The following PCDHGA1 variants were observed in gnomAD, a reference collection of about 807,000 sequenced individuals.
PCDHGA1 encodes the protein protocadherin gamma-A1.
Under a neutral mutation model 58.0 loss-of-function variants are expected in PCDHGA1, and 32 were observed. The ratio of observed to expected loss-of-function variants is 0.55; its 90% CI spans 0.42 to 0.74. PCDHGA1 has a LOEUF of 0.74. Ranked by LOEUF, PCDHGA1 falls within the 30% of genes least tolerant of loss-of-function variation. The pLI is 0.00. For missense variants in PCDHGA1, 1,205 were observed against 1,182.3 expected (o/e 1.02, Z -0.28); for synonymous variants, 498 against 501.1 (o/e 0.99, Z 0.08).
chr5:141,371,864 C>T (rs751844207), intron 1 of PCDHGA1: 1 of 1,613,570 alleles, frequency 6.2e-7, no homozygotes, highest in South Asian at 1.1e-5. Context: ...TCTCCTACTA[C>T]ATCGTGGCCA....
chr5:141,374,949 C>T (rs1770969144), intron 1 of PCDHGA1: 1 of 1,614,022 alleles, frequency 6.2e-7, no homozygotes, highest in African/African-American at 1.3e-5. Context: ...GAAAAGATCT[C>T]ACAAATTTTC....
Position 141,505,424 on chromosome 5 carries a change from C to T in PCDHGA1, c.2512C>T (p.Pro838Ser), listed in dbSNP as rs1422538114. The T allele has an allele frequency of 1.2e-6, 2 of 1,614,200 alleles. No individual in the cohort carries two copies. Among genetic ancestry groups the T allele is most frequent in the Non-Finnish European group, 1.7e-6 (2 of 1,180,028 alleles). Residue 838 changes from proline (P) to serine (S), a missense_variant, in exon 3 of 4, where the codon CCC (proline) becomes TCC (serine). Pro to Ser is a moderately conservative substitution (Grantham distance 74). Transcript: ENST00000517417. ...AAATGGCGATGACACCGGCACCTGG[C>T]CCAACAACCAGTTTGACACAGAGAT... is the stretch of plus-strand genomic sequence containing the variant. ...SQNGDDTGTW[P>S]NNQFDTEMLQ...
At position 141,489,632 on chromosome 5, in the gene PCDHGA1, C is replaced by T; in HGVS notation, c.2422-5175C>T. 6.2e-7 allele frequency: 1 copy of T among 1,614,138 alleles called. No homozygotes were observed. Among genetic ancestry groups the T allele is most frequent in the Non-Finnish European group, 8.5e-7 (1 of 1,180,010 alleles). Reference sequence around the variant, plus strand: ...ATCCTGGATCTCAATGACAACTCTCCTAGCTTTGCCACCCCTGAGCGAGAG... The same window carrying T: ...ATCCTGGATCTCAATGACAACTCTCTTAGCTTTGCCACCCCTGAGCGAGAG... On this transcript the variant is annotated intron_variant, in intron 1 of 3. Transcript: ENST00000517417. The surrounding 1 kb of genome is among the most constrained non-coding windows in gnomAD (Gnocchi z 4.5).
chr5:141,504,550 G>A (rs944574179), intron 2 of PCDHGA1, among the ~76,000 whole-genome samples: 2 of 151,586 alleles, frequency 1.3e-5, no homozygotes, highest in Non-Finnish European at 2.9e-5. Context: ...GCAAATGTTG[G>A]GGGACTGGCA....
chr5:141,498,251 C>A (rs1277949209), intron 2 of PCDHGA1, among the ~76,000 whole-genome samples: 1 of 152,178 alleles, frequency 6.6e-6, no homozygotes, highest in African/African-American at 2.4e-5. Flanking sequence ...CAAAGCAGGG[C>A]TGGTGTTGAG....
chr5:141,383,634 T>G (rs1364470063), intron 1 of PCDHGA1: 1 of 1,613,914 alleles, frequency 6.2e-7, no homozygotes, highest in African/African-American at 1.3e-5. Context: ...TCTCTCTGCC[T>G]CAGTACCAAG....
chr5:141,404,592 C>T, intron 1 of PCDHGA1: 1 of 1,614,048 alleles, frequency 6.2e-7, no homozygotes, highest in African/African-American at 1.3e-5. Flanking sequence ...AGCAATGTGT[C>T]ATTGAGACTG....
chr5:141,347,137 C>CTCTCTCTTTCTTTCTTTCTTTCTT (rs375338309), intron 1 of PCDHGA1, among the ~76,000 whole-genome samples: 101 of 113,834 alleles, frequency 8.9e-4, no homozygotes, highest in African/African-American at 3.7e-3. Flanking sequence ...CTCTGTTTCT[C>CTCTCTCTTTCTTTCTTTCTTTCTT]TCTTTCTTTC....
intron 1 of PCDHGA1, chr5:141,364,431 C>A (rs1210490734): frequency 6.2e-7 from 1 of 1,613,754 alleles, no homozygotes; most frequent in Admixed American, 1.7e-5. Flanking sequence ...ATCCGCTACT[C>A]GATGCCGGAG....
At position 141,372,283 on chromosome 5, in the gene PCDHGA1, G is replaced by T. The variant is rs749946527; in HGVS notation, c.2421+39178G>T. On this transcript the variant is annotated intron_variant, in intron 1 of 3. Coordinates refer to ENST00000517417, the MANE Select transcript of PCDHGA1 (RefSeq NM_018912.3). Reference sequence around the variant, plus strand: ...CGCACGGGTGAGGTGCGCACGGCGCGTACCTTGGGCGACAGGGAGGCCGCC... The same window carrying T: ...CGCACGGGTGAGGTGCGCACGGCGCTTACCTTGGGCGACAGGGAGGCCGCC... 2.9e-5 allele frequency: 47 copies of T among 1,613,080 alleles called. No individual in the cohort carries two copies. Among genetic ancestry groups the T allele is most frequent in the Non-Finnish European group, 2.7e-5 (32 of 1,179,872 alleles).
chr5:141,414,781 G>T, intron 1 of PCDHGA1: 2 of 1,614,230 alleles, frequency 1.2e-6, no homozygotes, highest in Non-Finnish European at 1.7e-6. Flanking sequence ...ACAGATGCAG[G>T]TGACAGCCAG....
chr5:141,427,871 G>A (rs762885351), intron 1 of PCDHGA1: 1 of 1,559,530 alleles, frequency 6.4e-7, no homozygotes, highest in South Asian at 1.1e-5. Flanking sequence ...TCGAGCTCAC[G>A]ATGCAGGCCC....
chr5:141,386,522 C>T (rs1561611649), intron 1 of PCDHGA1, among the ~76,000 whole-genome samples: 3 of 152,174 alleles, frequency 2.0e-5, no homozygotes, highest in African/African-American at 4.8e-5. Flanking sequence ...CAAAAAAAGA[C>T]TCTTTTTAGA....
At chr5:141,384,286 G>A (rs760333073) in intron 1 of PCDHGA1, 3 of 1,613,834 alleles carry the variant, frequency 1.9e-6, no homozygotes, top group South Asian at 2.2e-5. Context: ...CTACATCGCT[G>A]AGAACAACCC....
At chr5:141,412,216 T>C (rs1247540521) in intron 1 of PCDHGA1, 1 of 152,244 alleles carries the variant, frequency 6.6e-6, no homozygotes, top group East Asian at 1.9e-4. Context: ...ACATAAACAC[T>C]TACTTGTTAA....
At chr5:141,404,089 T>A in intron 1 of PCDHGA1, 2 of 1,613,496 alleles carry the variant, frequency 1.2e-6, no homozygotes, top group Non-Finnish European at 1.7e-6. Flanking sequence ...CCGGGAAGAA[T>A]GGTCAAGTTG....
At chr5:141,469,610 AAAAT>A (rs1360697662) in intron 1 of PCDHGA1, among the ~76,000 whole-genome samples, 1 of 152,194 alleles carries the variant, frequency 6.6e-6, no homozygotes, top group Non-Finnish European at 1.5e-5. Context: ...TAAGTAAAAT[AAAAT>A]AAATGTTTGT....
intron 1 of PCDHGA1, chr5:141,389,822 C>T (rs1253797821): frequency 1.2e-6 from 2 of 1,613,932 alleles, no homozygotes; most frequent in Non-Finnish European, 1.7e-6. Flanking sequence ...CCGTGCGTGA[C>T]GGTGGACAGC....
Position 141,339,991 on chromosome 5 carries a change from GAATGAC to G in PCDHGA1, c.2421+6891_2421+6896del, listed in dbSNP as rs754877993. 6.4e-5 allele frequency: 104 copies of G among 1,614,048 alleles called. No homozygotes were observed. The African/African-American group carries it at 1.3e-3, about 20-fold the overall frequency. ...AGGTTATCGTCACGGTTCTGGATGT[GAATGAC>G]AATGCCCCAGAATTTTACATGACAT... On this transcript the variant is annotated intron_variant, in intron 1 of 3. Transcript: ENST00000517417.
Sources: allele counts gnomAD v4.1 joint callset (sites outside exome capture counted in the v4.1 genomes callset), GRCh38; gene constraint gnomAD v4.1.1; non-coding constraint Gnocchi (gnomAD v3.1); transcripts MANE v1.5; gene names NCBI Gene and HGNC (gene_info 2026-07-23, HGNC 2026-07-21).